ATP9A: variants seen among roughly 807,000 people sequenced by gnomAD.
ATP9A encodes probable phospholipid-transporting ATPase IIA.
A neutral mutation model predicts 144.1 loss-of-function variants in ATP9A; 52 were observed. The observed-to-expected ratio is 0.36, with a 90% CI of 0.29 to 0.45. The LOEUF (loss-of-function observed/expected upper bound fraction) is 0.45, where lower values mean the gene tolerates loss of function less well. ATP9A is among the 20% of genes least tolerant of loss of function. The pLI is 1.00. For synonymous variants in ATP9A, 582 were observed against 557.4 expected, an observed-to-expected ratio of 1.04 and a Z score of -0.62; for missense variants, 947 against 1,392.7, an observed-to-expected ratio of 0.68 and a Z score of 5.09.
At chr20:51,686,477 T>C (rs1029105805) in intron 9 of ATP9A, among the ~76,000 whole-genome samples, 3 of 151,540 alleles carry the variant, frequency 2.0e-5, no homozygotes, top group Non-Finnish European at 2.9e-5. Flanking sequence ...TGCAAAAATA[T>C]GTATAACCCA....
intron 19 of ATP9A, among the ~76,000 whole-genome samples, chr20:51,621,311 C>A (rs1304054168): frequency 1.3e-5 from 2 of 152,072 alleles, no homozygotes; most frequent in African/African-American, 4.8e-5. Context: ...CAATACTATG[C>A]TATTTCAAAA....
intron 9 of ATP9A, among the ~76,000 whole-genome samples, chr20:51,687,772 AAAAAATG>A (rs1386074320): frequency 6.9e-6 from 1 of 145,784 alleles, no homozygotes; most frequent in Non-Finnish European, 1.5e-5. Flanking sequence ...TCAAAAAAAA[AAAAAATG>A]AATGAATGAA....
At chr20:51,631,718 T>A (rs2077270713) in intron 15 of ATP9A, among the ~76,000 whole-genome samples, 1 of 152,182 alleles carries the variant, frequency 6.6e-6, no homozygotes, top group Admixed American at 6.5e-5. Flanking sequence ...CCTCTTTTAG[T>A]CCAGCAATGA....
chr20:51,647,982 G>T (rs2077348631), intron 14 of ATP9A, among the ~76,000 whole-genome samples: 1 of 152,142 alleles, frequency 6.6e-6, no homozygotes, highest in African/African-American at 2.4e-5. Flanking sequence ...CAATAATACT[G>T]ATGGAAGAAT....
intron 13 of ATP9A, among the ~76,000 whole-genome samples, chr20:51,660,037 T>A (rs1281539234): frequency 6.6e-6 from 1 of 152,212 alleles, no homozygotes; most frequent in Non-Finnish European, 1.5e-5. Flanking sequence ...AAGAAAAGAT[T>A]TACAGAAAGG....
At chr20:51,750,240 T>C (rs898098748) in intron 1 of ATP9A, among the ~76,000 whole-genome samples, 1 of 152,184 alleles carries the variant, frequency 6.6e-6, no homozygotes, top group African/African-American at 2.4e-5. Flanking sequence ...CCTCTGATCT[T>C]GCCATGAGCT....
chr20:51,755,922 T>A (rs2077853820), intron 1 of ATP9A, among the ~76,000 whole-genome samples: 1 of 151,132 alleles, frequency 6.6e-6, no homozygotes. Context: ...GCCACTGAAC[T>A]CCAGCCTGGG....
At chr20:51,606,725 T>G (rs1460204828) in intron 26 of ATP9A, among the ~76,000 whole-genome samples, 3 of 151,916 alleles carry the variant, frequency 2.0e-5, no homozygotes, top group Non-Finnish European at 4.4e-5. Context: ...ATGAACTGAT[T>G]TGGAAACTGA....
At chr20:51,749,894 C>A (rs1171773338) in intron 1 of ATP9A, among the ~76,000 whole-genome samples, 1 of 151,982 alleles carries the variant, frequency 6.6e-6, no homozygotes, top group Non-Finnish European at 1.5e-5. Flanking sequence ...ATCCTGTAAT[C>A]CCAGCACTTT....
chr20:51,661,864 C>G (rs1446994532), intron 13 of ATP9A, among the ~76,000 whole-genome samples: 3 of 152,142 alleles, frequency 2.0e-5, no homozygotes, highest in East Asian at 1.9e-4. Flanking sequence ...CCAATGTTTA[C>G]TGTTTTAGAG....
intron 15 of ATP9A, among the ~76,000 whole-genome samples, chr20:51,635,829 G>GAAGGAAGGAAGGAAGGAAGGAAGGAAGA (rs1568795821): frequency 9.4e-6 from 1 of 106,544 alleles, no homozygotes; most frequent in Non-Finnish European, 2.1e-5. Context: ...AGGAAGGGAG[G>GAAGGAAGGAAGGAAGGAAGGAAGGAAGA]GAGGGAGGGA....
intron 4 of ATP9A, among the ~76,000 whole-genome samples, chr20:51,708,741 A>G (rs934279744): frequency 1.3e-5 from 2 of 152,124 alleles, no homozygotes; most frequent in Non-Finnish European, 2.9e-5. Flanking sequence ...GTCTCAATAA[A>G]TAAACAAATA....
intron 1 of ATP9A, among the ~76,000 whole-genome samples, chr20:51,736,701 T>A (rs1243758564): frequency 6.6e-6 from 1 of 152,058 alleles, no homozygotes; most frequent in Admixed American, 6.6e-5. Context: ...ACACTAAAAC[T>A]TGCTGAATTG....
chr20:51,754,178 A>G (rs979065948), intron 1 of ATP9A, among the ~76,000 whole-genome samples: 2 of 152,162 alleles, frequency 1.3e-5, no homozygotes, highest in Non-Finnish European at 2.9e-5. Context: ...TGGCTAACCT[A>G]TATGTCTAAA....
chr20:51,747,105 T>TG (rs959692232), intron 1 of ATP9A, among the ~76,000 whole-genome samples: 2 of 145,914 alleles, frequency 1.4e-5, no homozygotes, highest in Non-Finnish European at 1.5e-5. Context: ...TTCGTTTTTT[T>TG]TTTTTTTTTT....
intron 1 of ATP9A, among the ~76,000 whole-genome samples, chr20:51,749,636 G>T (rs1008042205): frequency 2.6e-5 from 4 of 152,168 alleles, no homozygotes; most frequent in African/African-American, 7.2e-5. Context: ...AAAAATCTAT[G>T]TCTATTTATC....
At chr20:51,618,830 T>C in intron 20 of ATP9A, 24 bp from the exon 21 acceptor site, 1 of 1,577,954 alleles carries the variant, frequency 6.3e-7, no homozygotes, top group African/African-American at 1.3e-5. Flanking sequence ...GGAGAGGTGG[T>C]GCGTTGGTGG....
chr20:51,690,429 C>G (rs2077543396), intron 8 of ATP9A, among the ~76,000 whole-genome samples: 1 of 151,956 alleles, frequency 6.6e-6, no homozygotes, highest in Non-Finnish European at 1.5e-5. Flanking sequence ...CAAAAAAAAA[C>G]AAGAGGACAC....
chr20:51,639,657 T>C (rs1210089260), intron 14 of ATP9A, among the ~76,000 whole-genome samples, 153 bp from the exon 15 acceptor site: 2 of 152,210 alleles, frequency 1.3e-5, no homozygotes, highest in Non-Finnish European at 2.9e-5. Context: ...TGCTGGCCCA[T>C]GACAGTGTCT....
Sources: allele counts gnomAD v4.1 joint callset (sites outside exome capture counted in the v4.1 genomes callset), GRCh38; gene constraint gnomAD v4.1.1; transcripts MANE v1.5; gene names NCBI Gene and HGNC (gene_info 2026-07-23, HGNC 2026-07-21).